Variants in CENPP observed in about 807,000 individuals in gnomAD.
The protein encoded by CENPP is centromere protein P.
In CENPP, 24 loss-of-function variants were observed where a neutral mutation model predicts 35.6. The ratio of observed to expected loss-of-function variants is 0.67; its 90% CI spans 0.49 to 0.95. CENPP has a LOEUF of 0.95. Among genes scored for constraint, CENPP ranks in the 40% least tolerant of loss-of-function variants. CENPP has a pLI of 0.00. For synonymous variants in CENPP, 120 were observed against 125.5 expected (o/e 0.96, Z 0.29); for missense variants, 332 against 345.3 (o/e 0.96, Z 0.31).
rs1305223373 is a variant in CENPP at position 92,619,366 on chromosome 9, T to A, written c.*6217T>A. 2.1e-5 allele frequency: 16 copies of A among 777,294 alleles called. No homozygotes were observed. The East Asian group carries it at 4.3e-4, about 21-fold the overall frequency. 48.1% of individuals were successfully genotyped at this position (777,294 alleles called of 1,614,324 possible). A position where few individuals can be genotyped will look rare whatever the true frequency, so the allele number is the denominator to read the frequency against. On this transcript the variant is annotated 3_prime_UTR_variant, in exon 8 of 8. Coordinates refer to ENST00000375587, the MANE Select transcript of CENPP (RefSeq NM_001012267.3). ...ATGATGTCACATAGGCCAAGGAAGTTATGTCACTCCGCCATGGAGTCTCTA... is the reference window on the plus strand; with the variant it reads ...ATGATGTCACATAGGCCAAGGAAGTAATGTCACTCCGCCATGGAGTCTCTA...
At chr9:92,354,747 C>A (rs1224603503) in intron 4 of CENPP, among the ~76,000 whole-genome samples, 2 of 152,130 alleles carry the variant, frequency 1.3e-5, no homozygotes, top group Non-Finnish European at 2.9e-5. Context: ...TGGGGGAACC[C>A]ACCCCCAATA....
chr9:92,547,226 A>G (rs1272206091), intron 5 of CENPP, among the ~76,000 whole-genome samples: 4 of 152,250 alleles, frequency 2.6e-5, no homozygotes, highest in East Asian at 1.9e-4. Context: ...AATGTTTACC[A>G]TAGTAGGAAT....
At chr9:92,576,660 T>C (rs1249795432) in intron 5 of CENPP, among the ~76,000 whole-genome samples, 1 of 152,194 alleles carries the variant, frequency 6.6e-6, no homozygotes, top group African/African-American at 2.4e-5. Flanking sequence ...ATAATTGTTA[T>C]ATATAATGTT....
chr9:92,423,212 G>C (rs558496149), intron 5 of CENPP, among the ~76,000 whole-genome samples: 1 of 151,888 alleles, frequency 6.6e-6, no homozygotes, highest in Non-Finnish European at 1.5e-5. Context: ...CTAGTACATC[G>C]TGTAGCAGGA....
At chr9:92,515,307 A>G in intron 5 of CENPP, 1 of 1,299,744 alleles carries the variant, frequency 7.7e-7, no homozygotes, top group South Asian at 2.7e-5. Context: ...CCCTCCAAGT[A>G]TTTGAGTGCA....
At chr9:92,390,180 T>G (rs1842614306) in intron 5 of CENPP, 1 of 606,128 alleles carries the variant, frequency 1.6e-6, no homozygotes, top group African/African-American at 1.9e-5. Flanking sequence ...GTAGACTGTT[T>G]ACAATTCATA....
In CENPP at chr9:92,474,639, G is replaced by A. The variant is rs758945968; in HGVS notation, c.564+94780G>A. ...ATATTCTTACCTAAATCTGAGCAAT[G>A]TACAACTCGTGAATAGCACTGACAT... On this transcript the variant is annotated intron_variant, in intron 5 of 7. Transcript: ENST00000375587. 7 of 1,612,508 alleles carry A rather than the reference G, an allele frequency of 4.3e-6. No individual in the cohort carries two copies. The Admixed American group carries it at 1.2e-4, about 27-fold the overall frequency.
intron 5 of CENPP, among the ~76,000 whole-genome samples, chr9:92,535,693 A>G (rs998017880): frequency 6.6e-6 from 1 of 152,260 alleles, no homozygotes; most frequent in Non-Finnish European, 1.5e-5. Context: ...TTATACTTCT[A>G]TTGAACACAT....
At chr9:92,389,541 G>T (rs185760149) in intron 5 of CENPP, 1 of 187,370 alleles carries the variant, frequency 5.3e-6, no homozygotes, top group African/African-American at 2.3e-5. Context: ...TTGAGCTTTC[G>T]TAGACTGTAA....
At chr9:92,346,266 G>C (rs117259492) in intron 4 of CENPP, among the ~76,000 whole-genome samples, 1,644 of 152,230 alleles carry the variant, frequency 0.011, 20 homozygotes, top group South Asian at 0.054. Context: ...GGCTCAAGCA[G>C]TCCTCCTGCC....
rs1049734099 is a variant in CENPP at position 92,603,119 on chromosome 9, C to G, written c.565-8195C>G. Among the ~76,000 whole-genome samples, 2 of 152,190 alleles carry G rather than the reference C, an allele frequency of 1.3e-5. 1 individual carries two copies. Among genetic ancestry groups the G allele is most frequent in the East Asian group, 3.9e-4 (2 of 5,180 alleles). On this transcript the variant is annotated intron_variant, in intron 5 of 7. Coordinates refer to ENST00000375587, the MANE Select transcript of CENPP (RefSeq NM_001012267.3). ...TTAAACTGTAAAAACACGACTGAGG[C>G]TCAGAGAGTTTAAAAGGGATTTCTC...
chr9:92,350,563 A>G (rs1463620803), intron 4 of CENPP, among the ~76,000 whole-genome samples: 1 of 152,212 alleles, frequency 6.6e-6, no homozygotes, highest in Non-Finnish European at 1.5e-5. Context: ...CCCTCATCAC[A>G]TGATTAAGAG....
chr9:92,586,145 A>G (rs573410003), intron 5 of CENPP, among the ~76,000 whole-genome samples: 17 of 152,274 alleles, frequency 1.1e-4, no homozygotes, highest in Non-Finnish European at 2.5e-4. Flanking sequence ...TCCCGGTTTC[A>G]GACGATTCTC....
chr9:92,415,027 A>C, intron 5 of CENPP: 1 of 685,498 alleles, frequency 1.5e-6, no homozygotes, highest in Non-Finnish European at 2.3e-6. Flanking sequence ...ACTTAAATTC[A>C]ATTCTGATCT....
chr9:92,450,831 T>C (rs913875692), intron 5 of CENPP, among the ~76,000 whole-genome samples: 1 of 152,224 alleles, frequency 6.6e-6, no homozygotes, highest in Non-Finnish European at 1.5e-5. Context: ...TTGATTTGCA[T>C]TTCTCTGATG....
At chr9:92,459,875 T>C in intron 5 of CENPP, 4 of 905,558 alleles carry the variant, frequency 4.4e-6, no homozygotes, top group Non-Finnish European at 6.5e-6. Context: ...GTCCTATTTA[T>C]ATATATGTTC....
chr9:92,546,642 C>T (rs903645090), intron 5 of CENPP, among the ~76,000 whole-genome samples: 5 of 152,200 alleles, frequency 3.3e-5, no homozygotes, highest in African/African-American at 1.2e-4. Flanking sequence ...AAACTCTGGA[C>T]ACGCTGCCTT....
At chr9:92,564,194 CTGGCCAACA>C (rs1849910231) in intron 5 of CENPP, among the ~76,000 whole-genome samples, 1 of 152,028 alleles carries the variant, frequency 6.6e-6, no homozygotes, top group Non-Finnish European at 1.5e-5. Context: ...CAAGACCAGC[CTGGCCAACA>C]TGGAGATACC....
At chr9:92,550,462 T>A (rs1849564917) in intron 5 of CENPP, among the ~76,000 whole-genome samples, 1 of 152,000 alleles carries the variant, frequency 6.6e-6, no homozygotes, top group Non-Finnish European at 1.5e-5. Flanking sequence ...AATAATCTAA[T>A]GAAATAGTTC....
Sources: gnomAD v4.1 joint callset for allele counts (sites outside exome capture counted in the v4.1 genomes callset) on GRCh38, gnomAD v4.1.1 for gene constraint, MANE v1.5 for transcripts, NCBI Gene and HGNC (gene_info 2026-07-23, HGNC 2026-07-21) for gene names.